The following TRIM9 variants were observed in gnomAD, a reference collection of about 807,000 sequenced individuals.
TRIM9 encodes tripartite motif containing 9.
Under a neutral mutation model 78.3 loss-of-function variants are expected in TRIM9, and 26 were observed. The ratio of observed to expected loss-of-function variants is 0.33; its 90% CI spans 0.24 to 0.46. The LOEUF (loss-of-function observed/expected upper bound fraction) is 0.46, where lower values mean the gene tolerates loss of function less well. Among genes scored for constraint, TRIM9 ranks in the 20% least tolerant of loss-of-function variants. The pLI is 1.00. For missense variants in TRIM9, 787 were observed against 1,036.4 expected (o/e 0.76, Z 3.30); for synonymous variants, 398 against 416.5 (o/e 0.96, Z 0.54).
chr14:50,996,202 A>T (rs2054186355), intron 7 of TRIM9: 1 of 985,144 alleles, frequency 1.0e-6, no homozygotes, highest in Non-Finnish European at 1.2e-6. Context: ...TACACAATAT[A>T]TAAAATTCAT....
At chr14:51,077,580 G>T (rs564402066) in intron 1 of TRIM9, among the ~76,000 whole-genome samples, 1 of 152,048 alleles carries the variant, frequency 6.6e-6, no homozygotes, top group Admixed American at 6.5e-5. Flanking sequence ...ATTTACTAGA[G>T]ATGGGGTTTC....
At chr14:51,012,799 C>A (rs925054259) in intron 3 of TRIM9, among the ~76,000 whole-genome samples, 1 of 152,196 alleles carries the variant, frequency 6.6e-6, no homozygotes, top group Non-Finnish European at 1.5e-5. Context: ...TTGCATTTCC[C>A]TAATGACTGG....
At chr14:51,087,353 G>C (rs1209526482) in intron 1 of TRIM9, among the ~76,000 whole-genome samples, 1 of 152,174 alleles carries the variant, frequency 6.6e-6, no homozygotes, top group African/African-American at 2.4e-5. Flanking sequence ...GGCAAAACCA[G>C]GGCCAAACAA....
intron 1 of TRIM9, among the ~76,000 whole-genome samples, chr14:51,077,321 T>C (rs1456434324): frequency 6.6e-6 from 1 of 151,610 alleles, no homozygotes; most frequent in Non-Finnish European, 1.5e-5. Context: ...TGTTTTAAGG[T>C]TTGAGGTAAG....
chr14:51,035,911 A>G (rs892375130), intron 1 of TRIM9, among the ~76,000 whole-genome samples: 18 of 152,250 alleles, frequency 1.2e-4, no homozygotes, highest in African/African-American at 4.3e-4. Context: ...ACAGAAAAGC[A>G]TGCTCCCTGA....
chr14:51,025,521 C>CT (rs1322991385), intron 1 of TRIM9, among the ~76,000 whole-genome samples, 161 bp from the exon 2 acceptor site: 1 of 152,218 alleles, frequency 6.6e-6, no homozygotes, highest in African/African-American at 2.4e-5. Context: ...GGTGTCGAAA[C>CT]TCCCTGTGCT....
intron 1 of TRIM9, among the ~76,000 whole-genome samples, chr14:51,041,867 C>G (rs566918125): frequency 6.6e-6 from 1 of 152,174 alleles, no homozygotes; most frequent in South Asian, 2.1e-4. Context: ...AAGAATAATG[C>G]CTACTTGTAA....
chr14:51,068,844 G>A (rs1305244668), intron 1 of TRIM9, among the ~76,000 whole-genome samples: 1 of 152,194 alleles, frequency 6.6e-6, no homozygotes, highest in Non-Finnish European at 1.5e-5. Context: ...ATAAGCTCCT[G>A]AATAAACTGT....
At chr14:51,042,293 TG>T (rs2059632712) in intron 1 of TRIM9, among the ~76,000 whole-genome samples, 1 of 152,202 alleles carries the variant, frequency 6.6e-6, no homozygotes. Flanking sequence ...ATCTCCATTT[TG>T]TGCACTTCCC....
At chr14:51,073,104 T>A (rs563640213) in intron 1 of TRIM9, among the ~76,000 whole-genome samples, 1 of 152,322 alleles carries the variant, frequency 6.6e-6, no homozygotes, top group South Asian at 2.1e-4. Flanking sequence ...TACCATTAGT[T>A]ATCACAACAC....
chr14:50,997,561 C>T (rs2054382968), intron 7 of TRIM9: 1 of 997,540 alleles, frequency 1.0e-6, no homozygotes, highest in African/African-American at 1.7e-5. Context: ...ACAGCTCTAG[C>T]ACCCCACCAC....
intron 1 of TRIM9, among the ~76,000 whole-genome samples, chr14:51,029,362 G>A (rs1219251670): frequency 6.6e-6 from 1 of 152,128 alleles, no homozygotes; most frequent in African/African-American, 2.4e-5. Flanking sequence ...GGCACCTTCT[G>A]GTGCTGTATC....
At position 50,983,433 on chromosome 14, in the gene TRIM9, T is replaced by C; in HGVS notation, c.1793-12A>G. The C allele has an allele frequency of 2.0e-6, 3 of 1,536,146 alleles. No homozygotes were observed. Among genetic ancestry groups the C allele is most frequent in the Admixed American group, 2.0e-5 (1 of 50,102 alleles). ...CTCAAAATTGCATCCTATAAAGAGA[T>C]ACTACACATCAACGCTATGAAACAA... On this transcript the variant is annotated splice_polypyrimidine_tract_variant and intron_variant, in intron 8 of 12. Coordinates refer to ENST00000684578, the MANE Select transcript of TRIM9 (RefSeq NM_001387360.1).
chr14:51,094,012 T>G (rs2064701127), intron 1 of TRIM9, 106 bp downstream of exon 1: 2 of 1,162,940 alleles, frequency 1.7e-6, no homozygotes, highest in Non-Finnish European at 2.5e-6. Context: ...GCACCTGCAT[T>G]GCGCCCCCAC....
chr14:51,059,929 C>T (rs867382209), intron 1 of TRIM9, among the ~76,000 whole-genome samples: 3 of 152,214 alleles, frequency 2.0e-5, no homozygotes, highest in African/African-American at 7.2e-5. Context: ...TACCACGGCC[C>T]TAAAACCAGG....
Position 51,000,745 on chromosome 14 carries a change from A to C in TRIM9, c.1402T>G (p.Ser468Ala). 6.2e-7 allele frequency: 1 copy of C among 1,614,148 alleles called. No individual in the cohort carries two copies. Among genetic ancestry groups the C allele is most frequent in the African/African-American group, 1.3e-5 (1 of 75,044 alleles). Residue 468 changes from serine (S) to alanine (A), a missense_variant, in exon 6 of 13, where the codon TCC becomes GCC. This residue lies in a region of TRIM9 where 421 missense variants were observed against 514.3 expected (regional missense o/e 0.82). Transcript: ENST00000684578. ...ATGTATCCATCGGCGGGCACCGTGG[A>C]CAGAGGTGGCTGTTTCCAGGACAAC... ...ATLSWKQPPL[S>A]TVPADGYILE...
At chr14:50,979,302 C>T (rs771685381) in intron 12 of TRIM9, 85 bp downstream of exon 12, 4 of 1,608,978 alleles carry the variant, frequency 2.5e-6, no homozygotes, top group Non-Finnish European at 3.4e-6. Flanking sequence ...CAGCTTCCCT[C>T]TCTTCGGTTG....
In TRIM9 at chr14:51,036,412, G is replaced by GC. The variant is rs1430312781; in HGVS notation, c.823-11053dup. Among the ~76,000 whole-genome samples the GC allele has an allele frequency of 3.9e-5, 6 of 152,240 alleles. No homozygotes were observed. In the East Asian group the frequency reaches 1.2e-3, roughly 29 times the overall value. ...TTTGTTTTGTTTTAGGCTTTTAGCA[G>GC]CTTGAAGCCATGGATTTCAGTTTCT... On this transcript the variant is annotated intron_variant, in intron 1 of 12. Coordinates refer to ENST00000684578, the MANE Select transcript of TRIM9 (RefSeq NM_001387360.1).
intron 1 of TRIM9, among the ~76,000 whole-genome samples, chr14:51,068,861 C>T (rs1239839565): frequency 6.6e-6 from 1 of 152,180 alleles, no homozygotes; most frequent in African/African-American, 2.4e-5. Flanking sequence ...CTGTTGGATC[C>T]TTAGCAATGA....
Sources: allele counts gnomAD v4.1 joint callset (sites outside exome capture counted in the v4.1 genomes callset), GRCh38; gene constraint gnomAD v4.1.1; regional missense constraint gnomAD v4.1.1; transcripts MANE v1.5; gene names NCBI Gene and HGNC (gene_info 2026-07-23, HGNC 2026-07-21).